SDK1: variants seen among roughly 807,000 people sequenced by gnomAD.
The protein encoded by SDK1 is sidekick cell adhesion molecule 1.
Under a neutral mutation model 245.5 loss-of-function variants are expected in SDK1, and 157 were observed. That is an observed-to-expected ratio of 0.64 (90% CI 0.56 to 0.73). The LOEUF (loss-of-function observed/expected upper bound fraction) is 0.73, where lower values mean the gene tolerates loss of function less well. Among genes scored for constraint, SDK1 ranks in the 30% least tolerant of loss-of-function variants. The pLI, the probability that SDK1 is intolerant of heterozygous loss-of-function variation, is 0.00. For synonymous variants in SDK1, 1,647 were observed against 1,278.5 expected, an observed-to-expected ratio of 1.29 and a Z score of -6.15; for missense variants, 3,583 against 3,002.3, an observed-to-expected ratio of 1.19 and a Z score of -4.52.
intron 31 of SDK1, among the ~76,000 whole-genome samples, chr7:4,161,405 C>T (rs1465690570): frequency 6.6e-6 from 1 of 152,152 alleles, no homozygotes; most frequent in Admixed American, 6.6e-5. Context: ...TAGCTCTCAC[C>T]TAGGTATCTT....
rs11978622 is a variant in SDK1, at chr7:4,220,251, C to T, written c.5682C>T (p.Ile1894=). 1.5e-3 allele frequency: 2,397 copies of T among 1,613,784 alleles called. 25 individuals carry two copies. In the African/African-American group the frequency reaches 0.029, roughly 19 times the overall value. ...ACGGGCCCGAGCTCCAAGCCAATAT[C>T]ACAGCCGGGCCAGCCGAGGGTAAGT... ...ITYGPELQAN[I]TAGPAEGSPG... is the part of the protein sequence containing the mutation. The change falls in exon 39 of 45, where the codon ATC becomes ATT. Residue 1894 remains isoleucine (I), a synonymous_variant. Transcript: ENST00000404826.
intron 41 of SDK1, 89 bp from the exon 42 acceptor site, chr7:4,237,558 G>C (rs1032230308): frequency 6.7e-7 from 1 of 1,495,308 alleles, no homozygotes; most frequent in Non-Finnish European, 9.3e-7. Flanking sequence ...ATCTACCCCA[G>C]CCTTCCCTGC....
rs991495893 is a variant in SDK1 at position 4,267,099 on chromosome 7, G to A, written c.*1715G>A. ...GAGTATGGCCCCAGGAGACCAAGGA[G>A]AGTTTTGTATAGGCTGGAAAACCCC... On this transcript the variant is annotated 3_prime_UTR_variant, in exon 45 of 45. Coordinates refer to ENST00000404826, the MANE Select transcript of SDK1 (RefSeq NM_152744.4). 1.4e-5 allele frequency: 14 copies of A among 985,354 alleles called. No individual in the cohort carries two copies. The African/African-American group carries it at 2.3e-4, about 16-fold the overall frequency. The allele number at this position is 985,354 out of a possible 1,614,324, so 61.0% of individuals were successfully genotyped here. A position where few individuals can be genotyped will look rare whatever the true frequency, so the allele number is the denominator to read the frequency against.
At chr7:4,052,728 C>A (rs181225696) in intron 19 of SDK1, among the ~76,000 whole-genome samples, 1 of 152,106 alleles carries the variant, frequency 6.6e-6, no homozygotes, top group East Asian at 1.9e-4. Flanking sequence ...TGGCATATTT[C>A]GTTGTATTTT....
intron 4 of SDK1, among the ~76,000 whole-genome samples, chr7:3,774,075 C>T (rs927704836): frequency 6.6e-5 from 10 of 152,130 alleles, no homozygotes; most frequent in African/African-American, 2.2e-4. Flanking sequence ...ATTAGCCAGG[C>T]ATGGTGGCGG....
intron 4 of SDK1, among the ~76,000 whole-genome samples, chr7:3,682,409 T>G (rs1419206314): frequency 2.8e-5 from 3 of 107,366 alleles, no homozygotes; most frequent in African/African-American, 1.0e-4. Flanking sequence ...AAAACTCCTC[T>G]ATAATGAAGC....
chr7:3,549,935 T>G (rs933248163), intron 1 of SDK1, among the ~76,000 whole-genome samples: 1 of 152,074 alleles, frequency 6.6e-6, no homozygotes, highest in African/African-American at 2.4e-5. Flanking sequence ...GGCATGAAAA[T>G]GAAACAATGC....
In SDK1 at chr7:4,265,452, A is replaced by C. The variant is rs1174005679; in HGVS notation, c.*68A>C. On this transcript the variant is annotated 3_prime_UTR_variant, in exon 45 of 45. Coordinates refer to ENST00000404826, the MANE Select transcript of SDK1 (RefSeq NM_152744.4). The stretch of plus-strand genomic sequence containing the variant: ...TCCGGAGTCTATTTTTGTTAAGACA[A>C]TCAACTCCAATAACTGAGCTGAAGT... 2 of 1,394,044 alleles carry C rather than the reference A, an allele frequency of 1.4e-6. No individual in the cohort carries two copies. Among genetic ancestry groups the C allele is most frequent in the African/African-American group, 3.1e-5 (2 of 65,484 alleles). The allele number at this position is 1,394,044 out of a possible 1,614,324, so 86.4% of individuals were successfully genotyped here.
intron 19 of SDK1, among the ~76,000 whole-genome samples, chr7:4,056,247 A>T (rs963404785): frequency 2.0e-5 from 3 of 151,962 alleles, no homozygotes; most frequent in Non-Finnish European, 4.4e-5. Flanking sequence ...CATCTTTGTA[A>T]ATGTCAAATA....
intron 2 of SDK1, among the ~76,000 whole-genome samples, chr7:3,627,028 G>T (rs1361750383): frequency 6.6e-6 from 1 of 151,978 alleles, no homozygotes; most frequent in Non-Finnish European, 1.5e-5. Flanking sequence ...CCCGGGCTCA[G>T]TTCATACTCC....
intron 22 of SDK1, among the ~76,000 whole-genome samples, chr7:4,101,169 G>C (rs1433976143): frequency 7.0e-6 from 1 of 142,594 alleles, no homozygotes; most frequent in Non-Finnish European, 1.5e-5. Context: ...TTTTTTTTGA[G>C]ACGGAGTCTC....
intron 5 of SDK1, among the ~76,000 whole-genome samples, chr7:3,850,349 G>C (rs1780388606): frequency 6.6e-6 from 1 of 152,204 alleles, no homozygotes; most frequent in South Asian, 2.1e-4. Flanking sequence ...CATGGAGTAA[G>C]GGGTGACTTA....
intron 7 of SDK1, among the ~76,000 whole-genome samples, chr7:3,957,449 C>T (rs1264860221): frequency 6.6e-6 from 1 of 152,212 alleles, no homozygotes; most frequent in Admixed American, 6.5e-5. Flanking sequence ...TGTTACTTCT[C>T]ACAACTGCAC....
At chr7:3,820,103 T>C (rs1171827446) in intron 4 of SDK1, among the ~76,000 whole-genome samples, 2 of 152,170 alleles carry the variant, frequency 1.3e-5, no homozygotes, top group African/African-American at 4.8e-5. Context: ...GCATCTTACC[T>C]TCTATGCCAA....
chr7:3,658,685 C>T (rs1783263448), intron 4 of SDK1, among the ~76,000 whole-genome samples: 1 of 147,858 alleles, frequency 6.8e-6, no homozygotes, highest in Non-Finnish European at 1.5e-5. Context: ...GATCTCCACT[C>T]ACTGCTGCAA....
intron 28 of SDK1, among the ~76,000 whole-genome samples, chr7:4,134,495 C>A (rs965602610): frequency 4.6e-5 from 7 of 152,226 alleles, no homozygotes; most frequent in African/African-American, 1.7e-4. Flanking sequence ...CAGCACAGCA[C>A]CCAGGCATCA....
chr7:3,712,777 G>A (rs1386625103), intron 4 of SDK1, among the ~76,000 whole-genome samples: 2 of 152,228 alleles, frequency 1.3e-5, no homozygotes, highest in Non-Finnish European at 2.9e-5. Context: ...TCATTCTGAG[G>A]AAAGGGTCAG....
chr7:4,179,376 T>A (rs966852798), intron 35 of SDK1: 1 of 148,888 alleles, frequency 6.7e-6, no homozygotes. Context: ...CAGGAGCTGC[T>A]GCATAGTGGG....
At chr7:3,345,895 A>G (rs1487549346) in intron 1 of SDK1, among the ~76,000 whole-genome samples, 1 of 152,172 alleles carries the variant, frequency 6.6e-6, no homozygotes, top group Non-Finnish European at 1.5e-5. Context: ...ATTGGTAGTC[A>G]GGCGTTCAGT....
Sources: allele counts gnomAD v4.1 joint callset (sites outside exome capture counted in the v4.1 genomes callset), GRCh38; gene constraint gnomAD v4.1.1; transcripts MANE v1.5; gene names NCBI Gene and HGNC (gene_info 2026-07-23, HGNC 2026-07-21).